The following AGAP1 variants were observed in gnomAD, a reference collection of about 807,000 sequenced individuals.
AGAP1 encodes ArfGAP with GTPase domain, ankyrin repeat and PH domain 1.
A neutral mutation model predicts 105.3 loss-of-function variants in AGAP1; 29 were observed. The ratio of observed to expected loss-of-function variants is 0.28; its 90% CI spans 0.21 to 0.38. The LOEUF (loss-of-function observed/expected upper bound fraction) is 0.38. AGAP1 is among the 10% of genes least tolerant of loss of function. AGAP1 has a pLI of 1.00. For missense variants in AGAP1, 998 were observed against 1,165.1 expected, an observed-to-expected ratio of 0.86 and a Z score of 2.09; for synonymous variants, 509 against 485.9, an observed-to-expected ratio of 1.05 and a Z score of -0.63.
chr2:235,996,598 G>C (rs911773927), intron 13 of AGAP1, among the ~76,000 whole-genome samples: 1 of 152,230 alleles, frequency 6.6e-6, no homozygotes, highest in Non-Finnish European at 1.5e-5. Flanking sequence ...GCCCCTGCCA[G>C]CTGGCTGCCC....
intron 16 of AGAP1, among the ~76,000 whole-genome samples, chr2:236,057,425 A>G (rs2058080375): frequency 6.6e-6 from 1 of 152,178 alleles, no homozygotes; most frequent in East Asian, 1.9e-4. Context: ...CGACCTTACA[A>G]GTCACACAGC....
At chr2:235,975,472 G>A (rs1303768197) in intron 13 of AGAP1, among the ~76,000 whole-genome samples, 1 of 152,170 alleles carries the variant, frequency 6.6e-6, no homozygotes, top group Non-Finnish European at 1.5e-5. Context: ...TTTGCATGCC[G>A]TGATTGGGAG....
rs567679893 is a variant in AGAP1 at position 236,076,955 on chromosome 2, A to C, written c.2114+27674A>C. On this transcript the variant is annotated intron_variant, in intron 16 of 17. Coordinates refer to ENST00000304032, the MANE Select transcript of AGAP1 (RefSeq NM_001037131.3). This position sits in a 1 kb window ranked among gnomAD's most constrained non-coding sequence, Gnocchi z 4.4. ...ACCCTGTCACTACAGAAAATACCCA[A>C]AAAAAAAAAGCCAGGCATGGTGGTG... 2.0e-4 allele frequency among the ~76,000 whole-genome samples: 29 copies of C among 148,110 alleles called. No homozygotes were observed. The highest frequency in any genetic ancestry group is 2.0e-4 in the Admixed American group (3 of 14,870).
At chr2:235,637,761 G>A (rs1262373257) in intron 1 of AGAP1, among the ~76,000 whole-genome samples, 1 of 152,158 alleles carries the variant, frequency 6.6e-6, no homozygotes, top group African/African-American at 2.4e-5. Context: ...AGGGGAATTG[G>A]TTCGTGAGAT....
At chr2:235,531,629 A>G (rs1943048307) in intron 1 of AGAP1, among the ~76,000 whole-genome samples, 1 of 142,604 alleles carries the variant, frequency 7.0e-6, no homozygotes, top group African/African-American at 2.7e-5. Flanking sequence ...TTTTTTTGAG[A>G]CAGAGTCTTG....
At chr2:235,996,975 A>T (rs541545247) in intron 13 of AGAP1, among the ~76,000 whole-genome samples, 1 of 152,254 alleles carries the variant, frequency 6.6e-6, no homozygotes, top group East Asian at 1.9e-4. Flanking sequence ...GAATGTATGT[A>T]TCATTGAGAC....
At chr2:235,502,290 C>T (rs970150499) in intron 1 of AGAP1, among the ~76,000 whole-genome samples, 3 of 152,106 alleles carry the variant, frequency 2.0e-5, no homozygotes, top group South Asian at 2.1e-4. Context: ...CAGAAGAGAT[C>T]GTTAATGGAT....
At chr2:235,718,835 T>C (rs1375326663) in intron 3 of AGAP1, among the ~76,000 whole-genome samples, 1 of 152,208 alleles carries the variant, frequency 6.6e-6, no homozygotes, top group Non-Finnish European at 1.5e-5. Flanking sequence ...GCCTGTTCAC[T>C]GAGAAATGCA....
intron 6 of AGAP1, among the ~76,000 whole-genome samples, chr2:235,759,237 C>T (rs1175905300): frequency 7.0e-6 from 1 of 143,804 alleles, no homozygotes; most frequent in Non-Finnish European, 1.5e-5. Flanking sequence ...GGTGTGATCT[C>T]AGCTCACTGC....
chr2:235,756,185 G>T (rs1378747049), intron 6 of AGAP1, among the ~76,000 whole-genome samples: 1 of 152,148 alleles, frequency 6.6e-6, no homozygotes, highest in East Asian at 1.9e-4. Flanking sequence ...TGAGTTTCTC[G>T]TCTTCCTGAG....
intron 9 of AGAP1, among the ~76,000 whole-genome samples, chr2:235,871,811 CA>C (rs1477128318): frequency 1.3e-5 from 2 of 152,176 alleles, no homozygotes; most frequent in Non-Finnish European, 2.9e-5. Context: ...GAATTAAACC[CA>C]ATGGAGATAG....
chr2:236,120,050 A>C lies in AGAP1; in HGVS notation c.2115-142A>C. On this transcript the variant is annotated intron_variant, in intron 16 of 17. Transcript: ENST00000304032. The surrounding 1 kb of genome is among the most constrained non-coding windows in gnomAD (Gnocchi z 6.0). ...GTGAAGGTGGATAAACGTTTCCCCC[A>C]GGGGGCTTTGTGCCGAGTGAAGACC... The C allele has an allele frequency of 8.3e-7, 1 of 1,198,342 alleles. No homozygotes were observed. The highest frequency in any genetic ancestry group is 1.2e-6 in the Non-Finnish European group (1 of 859,594). 74.2% of individuals were successfully genotyped at this position (1,198,342 alleles called of 1,614,324 possible). A position where few individuals can be genotyped will look rare whatever the true frequency, so the allele number is the denominator to read the frequency against.
At chr2:235,767,993 G>A (rs914488266) in intron 6 of AGAP1, among the ~76,000 whole-genome samples, 3 of 152,038 alleles carry the variant, frequency 2.0e-5, no homozygotes, top group African/African-American at 7.2e-5. Context: ...CACCATGTTG[G>A]CCAGGCTGGT....
rs570960666 is a variant in AGAP1, at chr2:236,089,668, G to C, written c.2115-30524G>C. Among the ~76,000 whole-genome samples the C allele has an allele frequency of 1.3e-5, 2 of 152,302 alleles. No homozygotes were observed. The highest frequency in any genetic ancestry group is 4.1e-4 in the South Asian group (2 of 4,828). ...CCAGAAAGGCCCTCTGCAAATTTCT[G>C]ATTCCTGTACAGTCAGCATTAATAT... On this transcript the variant is annotated intron_variant, in intron 16 of 17. Transcript: ENST00000304032. The surrounding 1 kb of genome is among the most constrained non-coding windows in gnomAD (Gnocchi z 5.6).
At position 235,865,340 on chromosome 2, in the gene AGAP1, G is replaced by C. The variant is rs923013738; in HGVS notation, c.1051-18005G>C. ...CTAATGACAGGAAGGTCGCGCGGGT[G>C]AGCTGACCTGTGTGTGGCGCAGCCT... is the stretch of plus-strand genomic sequence containing the variant. On this transcript the variant is annotated intron_variant, in intron 9 of 17. Coordinates refer to ENST00000304032, the MANE Select transcript of AGAP1 (RefSeq NM_001037131.3). This position sits in a 1 kb window ranked among gnomAD's most constrained non-coding sequence, Gnocchi z 6.2. Among the ~76,000 whole-genome samples, 6 of 152,200 alleles carry C rather than the reference G, an allele frequency of 3.9e-5. No individual in the cohort carries two copies. The highest frequency in any genetic ancestry group is 7.3e-5 in the Non-Finnish European group (5 of 68,040).
At chr2:235,645,599 G>A (rs888661184) in intron 1 of AGAP1, among the ~76,000 whole-genome samples, 1 of 152,006 alleles carries the variant, frequency 6.6e-6, no homozygotes, top group South Asian at 2.1e-4. Flanking sequence ...GTCATTGCAG[G>A]GGTTTACGCC....
chr2:235,897,292 G>C (rs1042747114), intron 10 of AGAP1, among the ~76,000 whole-genome samples: 2 of 152,072 alleles, frequency 1.3e-5, no homozygotes, highest in East Asian at 3.9e-4. Context: ...CGCCCACCTC[G>C]GCCTCCCAAC....
intron 1 of AGAP1, among the ~76,000 whole-genome samples, chr2:235,698,661 A>G (rs1950112386): frequency 6.6e-6 from 1 of 152,166 alleles, no homozygotes; most frequent in South Asian, 2.1e-4. Flanking sequence ...ACAATGTTCT[A>G]CCGCTTCTTA....
intron 12 of AGAP1, among the ~76,000 whole-genome samples, chr2:235,935,258 C>T (rs1276493115): frequency 2.6e-5 from 4 of 152,150 alleles, no homozygotes; most frequent in Non-Finnish European, 5.9e-5. Flanking sequence ...TTCAAATTGC[C>T]GTCTGCCGGC....
Sources: gnomAD v4.1 joint callset for allele counts (sites outside exome capture counted in the v4.1 genomes callset) on GRCh38, gnomAD v4.1.1 for gene constraint, Gnocchi (gnomAD v3.1) non-coding constraint, MANE v1.5 for transcripts, NCBI Gene and HGNC (gene_info 2026-07-23, HGNC 2026-07-21) for gene names.